CCDC201: variants seen among roughly 807,000 people sequenced by gnomAD.
The protein encoded by CCDC201 is coiled-coil domain-containing protein 201.
intron 1 of CCDC201, among the ~76,000 whole-genome samples, chr7:45,871,775 T>C (rs1786745340): frequency 6.6e-6 from 1 of 152,236 alleles, no homozygotes; most frequent in Non-Finnish European, 1.5e-5. Flanking sequence ...TCCTTCAGTA[T>C]ACACATGCTG....
At chr7:45,880,324 A>C in the CCDC201 span, among the ~76,000 whole-genome samples, 1 of 152,264 alleles carries the variant, frequency 6.6e-6, no homozygotes, top group Non-Finnish European at 1.5e-5. Context: ...GTAATGAAGA[A>C]AAGTTGGAAA....
At chr7:45,884,195 G>A in the CCDC201 span, among the ~76,000 whole-genome samples, 1 of 151,754 alleles carries the variant, frequency 6.6e-6, no homozygotes, top group Admixed American at 6.6e-5. Context: ...CAAACTCCTG[G>A]GCTTAAGTGA....
At chr7:45,875,877 A>G (rs370786959), upstream of CCDC201, among the ~76,000 whole-genome samples, 10 of 152,354 alleles carry the variant, frequency 6.6e-5, no homozygotes, top group South Asian at 4.1e-4. Flanking sequence ...CCCTGTCATA[A>G]GACCTTAACA....
chr7:45,864,343 C>G (rs960163900), intron 2 of CCDC201, among the ~76,000 whole-genome samples: 6 of 152,192 alleles, frequency 3.9e-5, no homozygotes, highest in Non-Finnish European at 7.4e-5. Flanking sequence ...CCCACAAGCT[C>G]TACCCATAGT....
intron 2 of CCDC201, among the ~76,000 whole-genome samples, chr7:45,864,730 G>C (rs940477692): frequency 2.0e-5 from 3 of 152,138 alleles, no homozygotes; most frequent in African/African-American, 4.8e-5. Context: ...GTGTGGCAAG[G>C]AAGAAAATAT....
At chr7:45,884,449 TG>T in the CCDC201 span, among the ~76,000 whole-genome samples, 3 of 152,172 alleles carry the variant, frequency 2.0e-5, no homozygotes, top group South Asian at 6.2e-4. Flanking sequence ...TATACCCCTG[TG>T]GTGGTGGCCT....
chr7:45,877,941 A>T (rs1786833833), upstream of CCDC201, among the ~76,000 whole-genome samples: 1 of 152,194 alleles, frequency 6.6e-6, no homozygotes, highest in Non-Finnish European at 1.5e-5. Context: ...GGGCCTGTAA[A>T]ACCAAAATAA....
chr7:45,865,473 A>G (rs1238702347), intron 2 of CCDC201, among the ~76,000 whole-genome samples: 2 of 152,352 alleles, frequency 1.3e-5, no homozygotes, highest in Admixed American at 1.3e-4. Context: ...GAAATGCAGG[A>G]GTGCTCCAGG....
chr7:45,867,476 G>GA lies in CCDC201; in HGVS notation c.19-983dup, dbSNP rs1321375096. Among the ~76,000 whole-genome samples the GA allele has an allele frequency of 8.5e-5, 13 of 152,248 alleles. No homozygotes were observed. In the South Asian group the frequency reaches 1.5e-3, roughly 17 times the overall value. Reference sequence around the variant, plus strand: ...GGAAGCCACTGTCATTCAGGGTGTAGAAAAAACTGGAACTTTTCTAAAAGA... The same window carrying GA: ...GGAAGCCACTGTCATTCAGGGTGTAGAAAAAAACTGGAACTTTTCTAAAAGA... On this transcript the variant is annotated intron_variant, in intron 1 of 2. Transcript: ENST00000636578.
At chr7:45,864,049 C>T (rs1250658666) in intron 2 of CCDC201, among the ~76,000 whole-genome samples, 1 of 152,100 alleles carries the variant, frequency 6.6e-6, no homozygotes, top group East Asian at 1.9e-4. Context: ...TCCCAGTGCC[C>T]CTCCCTACCC....
chr7:45,876,505 G>T (rs896498463), upstream of CCDC201, among the ~76,000 whole-genome samples: 8 of 152,110 alleles, frequency 5.3e-5, no homozygotes, highest in Admixed American at 4.6e-4. Flanking sequence ...CACCCCCAGG[G>T]CTTTCTGACT....
chr7:45,864,648 T>G (rs1300325963), intron 2 of CCDC201, among the ~76,000 whole-genome samples: 1 of 151,902 alleles, frequency 6.6e-6, no homozygotes, highest in African/African-American at 2.4e-5. Context: ...GCTGGAAAAC[T>G]CCACTGCAAA....
chr7:45,868,671 T>C (rs1383356000), intron 1 of CCDC201, among the ~76,000 whole-genome samples: 2 of 152,158 alleles, frequency 1.3e-5, no homozygotes, highest in Non-Finnish European at 2.9e-5. Context: ...AGATGAGCCC[T>C]GTATTTTTCA....
intron 2 of CCDC201, among the ~76,000 whole-genome samples, chr7:45,863,611 G>A (rs1786629119): frequency 6.6e-6 from 1 of 152,084 alleles, no homozygotes; most frequent in Non-Finnish European, 1.5e-5. Flanking sequence ...GAATGAAGGA[G>A]GCCTCCCCAG....
exon 3 of CCDC201, chr7:45,861,463 A>G (rs993938422): frequency 6.6e-6 from 1 of 152,236 alleles, no homozygotes; most frequent in African/African-American, 2.4e-5. Context: ...TATCACTCAT[A>G]TAGAACATCC....
exon 3 of CCDC201, chr7:45,862,955 T>G (rs1786621381): frequency 6.6e-6 from 1 of 152,214 alleles, no homozygotes; most frequent in Non-Finnish European, 1.5e-5. Context: ...CTCAAACCTG[T>G]TTTTCCCACC....
chr7:45,872,424 ATGAGGTGTCC>A (rs1786752001), intron 1 of CCDC201, among the ~76,000 whole-genome samples: 1 of 152,210 alleles, frequency 6.6e-6, no homozygotes, highest in African/African-American at 2.4e-5. Context: ...CATCTAGAGC[ATGAGGTGTCC>A]TGTCACTGTG....
chr7:45,884,263 C>A, the CCDC201 span, among the ~76,000 whole-genome samples: 3 of 152,124 alleles, frequency 2.0e-5, no homozygotes, highest in Non-Finnish European at 4.4e-5. Context: ...CCATGCCTGG[C>A]TAATTATTTT....
At chr7:45,877,286 C>T (rs1786822299), upstream of CCDC201, among the ~76,000 whole-genome samples, 1 of 152,164 alleles carries the variant, frequency 6.6e-6, no homozygotes, top group Non-Finnish European at 1.5e-5. Flanking sequence ...GTGGAAACTC[C>T]ACCACAACAG....
Sources: allele counts gnomAD v4.1 joint callset (sites outside exome capture counted in the v4.1 genomes callset), GRCh38; gene constraint gnomAD v4.1.1; transcripts MANE v1.5; gene names NCBI Gene and HGNC (gene_info 2026-07-23, HGNC 2026-07-21).